Variants in AFG2A observed in about 807,000 individuals in gnomAD.
AFG2A encodes ATPase family gene 2 protein homolog A.
chr4:123,103,119 T>C, the AFG2A span, among the ~76,000 whole-genome samples: 1 of 152,094 alleles, frequency 6.6e-6, no homozygotes, highest in African/African-American at 2.4e-5. Context: ...GTACAGGCTC[T>C]ACTGCGTTTA....
the AFG2A span, among the ~76,000 whole-genome samples, chr4:122,957,400 G>A: frequency 2.8e-3 from 427 of 152,332 alleles, 3 homozygotes; most frequent in African/African-American, 9.7e-3. Context: ...TTGATTAGTA[G>A]TGTGACTTAG....
At chr4:123,318,083 TAC>T in the AFG2A span, 1 of 152,212 alleles carries the variant, frequency 6.6e-6, no homozygotes, top group African/African-American at 2.4e-5. Context: ...CTTAAACCAA[TAC>T]AGTCATATCA....
chr4:123,057,318 CATA>C, the AFG2A span: 1 of 1,520,944 alleles, frequency 6.6e-7, no homozygotes, highest in Non-Finnish European at 9.1e-7. Context: ...ACTGCTATTA[CATA>C]ATAATATGAT....
the AFG2A span, among the ~76,000 whole-genome samples, chr4:123,060,264 T>C: frequency 2.0e-5 from 3 of 152,204 alleles, no homozygotes; most frequent in East Asian, 5.8e-4. Flanking sequence ...GGATCGTGGC[T>C]CTTTTCTCAC....
the AFG2A span, among the ~76,000 whole-genome samples, chr4:123,277,367 A>T: frequency 6.6e-6 from 1 of 152,114 alleles, no homozygotes; most frequent in Non-Finnish European, 1.5e-5. Context: ...CAGATCCAGG[A>T]GCTTTTGGGC....
At chr4:123,093,220 G>A in the AFG2A span, among the ~76,000 whole-genome samples, 1 of 152,168 alleles carries the variant, frequency 6.6e-6, no homozygotes, top group African/African-American at 2.4e-5. Context: ...ACTGCCCGTT[G>A]TGGTGCAGGG....
At chr4:123,154,295 G>C in the AFG2A span, among the ~76,000 whole-genome samples, 1 of 151,866 alleles carries the variant, frequency 6.6e-6, no homozygotes, top group Non-Finnish European at 1.5e-5. Flanking sequence ...ATATTATAGA[G>C]TTCTGTAATA....
the AFG2A span, among the ~76,000 whole-genome samples, chr4:122,951,596 A>T: frequency 1.3e-5 from 2 of 152,152 alleles, no homozygotes; most frequent in Non-Finnish European, 2.9e-5. Context: ...GTCATGCCGG[A>T]TGCCTGTTAA....
chr4:123,016,325 C>A, the AFG2A span, among the ~76,000 whole-genome samples: 1 of 150,438 alleles, frequency 6.6e-6, no homozygotes, highest in Non-Finnish European at 1.5e-5. Flanking sequence ...ACTTCCTAGA[C>A]GGGGTGGCTG....
the AFG2A span, among the ~76,000 whole-genome samples, chr4:123,173,340 G>T: frequency 1.3e-4 from 9 of 70,274 alleles, no homozygotes; most frequent in African/African-American, 4.8e-4. Context: ...AAGTCCAATG[G>T]TTTTTTTTTT....
chr4:122,979,552 T>C, the AFG2A span, among the ~76,000 whole-genome samples: 1 of 152,230 alleles, frequency 6.6e-6, no homozygotes, highest in African/African-American at 2.4e-5. Flanking sequence ...TACGAAGTAA[T>C]GTAGGGAGAT....
chr4:123,233,585 C>T, the AFG2A span, among the ~76,000 whole-genome samples: 2 of 151,940 alleles, frequency 1.3e-5, no homozygotes, highest in Non-Finnish European at 2.9e-5. Context: ...CATGCCTTTC[C>T]AACTGCTTAA....
At chr4:123,248,982 A>T in the AFG2A span, among the ~76,000 whole-genome samples, 2 of 152,202 alleles carry the variant, frequency 1.3e-5, no homozygotes, top group African/African-American at 4.8e-5. Flanking sequence ...CACTGAGCTA[A>T]GCACATTATA....
At chr4:123,026,843 T>C in the AFG2A span, among the ~76,000 whole-genome samples, 1 of 152,228 alleles carries the variant, frequency 6.6e-6, no homozygotes. Context: ...CATATTTTTC[T>C]ACTATATTCA....
chr4:123,024,220 C>G, the AFG2A span, among the ~76,000 whole-genome samples: 2 of 89,612 alleles, frequency 2.2e-5, no homozygotes, highest in Non-Finnish European at 4.6e-5. Flanking sequence ...ACAGATCAGA[C>G]TATAAGCAAA....
chr4:123,131,588 G>A, the AFG2A span, among the ~76,000 whole-genome samples: 2 of 152,078 alleles, frequency 1.3e-5, no homozygotes, highest in Non-Finnish European at 2.9e-5. Flanking sequence ...TGCAGTATGT[G>A]TCTTTTGTAA....
chr4:122,998,350 G>A, the AFG2A span, among the ~76,000 whole-genome samples: 4 of 152,072 alleles, frequency 2.6e-5, no homozygotes, highest in East Asian at 5.8e-4. Flanking sequence ...TAGGATACAT[G>A]TGCACAATGT....
chr4:123,305,925 T>C, the AFG2A span, among the ~76,000 whole-genome samples: 2 of 152,234 alleles, frequency 1.3e-5, no homozygotes, highest in African/African-American at 4.8e-5. Context: ...TTGCCTCTTT[T>C]GCCCTTTTGC....
chr4:123,003,576 AC>A, the AFG2A span, among the ~76,000 whole-genome samples: 1 of 152,040 alleles, frequency 6.6e-6, no homozygotes, highest in Non-Finnish European at 1.5e-5. Flanking sequence ...TCCACTCCAG[AC>A]CCTGTTTGCC....
Sources: allele counts gnomAD v4.1 joint callset (sites outside exome capture counted in the v4.1 genomes callset), GRCh38; gene constraint gnomAD v4.1.1; transcripts MANE v1.5; gene names NCBI Gene and HGNC (gene_info 2026-07-23, HGNC 2026-07-21).